The following PALM2AKAP2 variants were observed in gnomAD, a reference collection of about 807,000 sequenced individuals.
PALM2AKAP2 encodes the protein PALM2 and AKAP2 fusion.
PALM2AKAP2 carries 37 observed loss-of-function variants against 71.5 expected under a neutral mutation model. The ratio of observed to expected loss-of-function variants is 0.52; its 90% CI spans 0.40 to 0.68. The LOEUF is 0.68. PALM2AKAP2 is among the 30% of genes least tolerant of loss of function. The pLI is 0.00. For synonymous variants in PALM2AKAP2, 468 were observed against 478.8 expected, an observed-to-expected ratio of 0.98 and a Z score of 0.29; for missense variants, 1,224 against 1,191.8, an observed-to-expected ratio of 1.03 and a Z score of -0.40.
chr9:109,763,454 T>A (rs543929423), intron 1 of PALM2AKAP2, among the ~76,000 whole-genome samples: 39 of 152,294 alleles, frequency 2.6e-4, no homozygotes, highest in African/African-American at 8.7e-4. Context: ...ATCTGAAAGA[T>A]GGGAATGATA....
chr9:109,717,913 G>A (rs968612803), intron 1 of PALM2AKAP2, among the ~76,000 whole-genome samples: 1 of 152,128 alleles, frequency 6.6e-6, no homozygotes, highest in Non-Finnish European at 1.5e-5. Context: ...AAGAGAGAAA[G>A]TAAGAGAGAT....
At chr9:109,647,182 C>T (rs182379704) in intron 1 of PALM2AKAP2, among the ~76,000 whole-genome samples, 9 of 152,114 alleles carry the variant, frequency 5.9e-5, no homozygotes, top group African/African-American at 2.2e-4. Flanking sequence ...TGTTGTTCTG[C>T]AGCTTGCTTT....
rs886651626 is a variant in PALM2AKAP2 at position 109,873,250 on chromosome 9, G to A, written c.126+5679G>A. On this transcript the variant is annotated intron_variant, in intron 2 of 9. Coordinates refer to the PALM2AKAP2 transcript ENST00000302798. ...GGCCAAGGCGGGCAGATAACCTGAG[G>A]TCAGGAGTTCGAGACCAGCCTAGCC... is the stretch of plus-strand genomic sequence containing the variant. Among the ~76,000 whole-genome samples the A allele has an allele frequency of 3.3e-5, 5 of 152,106 alleles. No homozygotes were observed. In the East Asian group the frequency reaches 5.8e-4, roughly 18 times the overall value.
intron 6 of PALM2AKAP2, among the ~76,000 whole-genome samples, chr9:110,015,008 C>G (rs1476292744): frequency 6.6e-6 from 1 of 151,388 alleles, no homozygotes; most frequent in Non-Finnish European, 1.5e-5. Flanking sequence ...CTGATCTTTT[C>G]TTTGATATTA....
chr9:109,645,095 A>G (rs748404951), intron 1 of PALM2AKAP2, among the ~76,000 whole-genome samples: 1 of 152,188 alleles, frequency 6.6e-6, no homozygotes, highest in Non-Finnish European at 1.5e-5. Context: ...GTCTGTTTTC[A>G]TGCTGCTGAT....
intron 1 of PALM2AKAP2, among the ~76,000 whole-genome samples, chr9:110,112,308 A>G (rs1835270435): frequency 6.6e-6 from 1 of 152,034 alleles, no homozygotes; most frequent in African/African-American, 2.4e-5. Context: ...TGGGCTTTGG[A>G]GAGCTGGACA....
intron 1 of PALM2AKAP2, among the ~76,000 whole-genome samples, chr9:109,791,229 G>A (rs1827103758): frequency 6.6e-6 from 1 of 152,156 alleles, no homozygotes; most frequent in African/African-American, 2.4e-5. Flanking sequence ...GATCAGTATT[G>A]GATGCGATGA....
chr9:110,111,898 C>T (rs1388593773), intron 1 of PALM2AKAP2, among the ~76,000 whole-genome samples: 1 of 152,150 alleles, frequency 6.6e-6, no homozygotes, highest in Non-Finnish European at 1.5e-5. Flanking sequence ...GAAGCCCCCA[C>T]TCCCACACCC....
intron 7 of PALM2AKAP2, chr9:110,025,324 C>T (rs1261746471): frequency 8.4e-6 from 10 of 1,195,644 alleles, no homozygotes; most frequent in South Asian, 6.1e-5. Flanking sequence ...GAACATATGT[C>T]GGGAGCCTCT....
At chr9:109,650,468 G>A (rs894912631) in intron 1 of PALM2AKAP2, among the ~76,000 whole-genome samples, 1 of 152,152 alleles carries the variant, frequency 6.6e-6, no homozygotes, top group African/African-American at 2.4e-5. Flanking sequence ...CTAGGCTGGA[G>A]CATAGTAGCA....
At chr9:109,885,257 A>G (rs1236348629) in intron 3 of PALM2AKAP2, among the ~76,000 whole-genome samples, 2 of 152,190 alleles carry the variant, frequency 1.3e-5, no homozygotes, top group Admixed American at 6.5e-5. Flanking sequence ...CAGAATTATT[A>G]TATGTGGTGC....
At chr9:109,893,443 G>A (rs1219997059) in intron 3 of PALM2AKAP2, among the ~76,000 whole-genome samples, 1 of 65,330 alleles carries the variant, frequency 1.5e-5, no homozygotes, top group Non-Finnish European at 2.9e-5. Context: ...CAGGGGTTTC[G>A]TTTTGTTTTG....
exon 2 of PALM2AKAP2, chr9:109,867,526 G>A (rs1180066849): frequency 5.0e-6 from 8 of 1,613,056 alleles, no homozygotes; most frequent in Non-Finnish European, 4.2e-6. Flanking sequence ...TAGAAGGCAA[G>A]CGACAACAGC....
chr9:109,800,800 T>A (rs188985192), intron 1 of PALM2AKAP2, among the ~76,000 whole-genome samples: 26 of 152,360 alleles, frequency 1.7e-4, no homozygotes, highest in East Asian at 1.5e-3. Context: ...TTGTAAGAAA[T>A]GGAGTATTCA....
chr9:110,125,784 T>C (rs2119029977), intron 1 of PALM2AKAP2, among the ~76,000 whole-genome samples: 1 of 152,078 alleles, frequency 6.6e-6, no homozygotes, highest in East Asian at 1.9e-4. Flanking sequence ...CTCTCTTTTT[T>C]TTTTTTTTGC....
At chr9:109,895,682 C>T (rs1258926503) in intron 3 of PALM2AKAP2, among the ~76,000 whole-genome samples, 1 of 152,158 alleles carries the variant, frequency 6.6e-6, no homozygotes, top group Non-Finnish European at 1.5e-5. Context: ...TTAGTCAGTG[C>T]TGTCATATGC....
At chr9:110,136,773 T>C (rs768071507) in exon 2 of PALM2AKAP2, 1 of 1,614,128 alleles carries the variant, frequency 6.2e-7, no homozygotes, top group South Asian at 1.1e-5. Context: ...GAGGCCAAGT[T>C]TGAGCTGCGT....
intron 1 of PALM2AKAP2, among the ~76,000 whole-genome samples, chr9:109,796,737 A>G (rs1827266790): frequency 6.6e-6 from 1 of 152,182 alleles, no homozygotes; most frequent in Non-Finnish European, 1.5e-5. Context: ...TTATAAAACC[A>G]TCAGATTTCA....
intron 2 of PALM2AKAP2, among the ~76,000 whole-genome samples, chr9:109,874,679 C>T (rs949296637): frequency 1.3e-5 from 2 of 152,170 alleles, no homozygotes; most frequent in African/African-American, 4.8e-5. Context: ...CATTTAGAAG[C>T]CTCTGAAACT....
Sources: gnomAD v4.1 joint callset for allele counts (sites outside exome capture counted in the v4.1 genomes callset) on GRCh38, gnomAD v4.1.1 for gene constraint, MANE v1.5 for transcripts, NCBI Gene and HGNC (gene_info 2026-07-23, HGNC 2026-07-21) for gene names.